LRRC69: variants seen among roughly 807,000 people sequenced by gnomAD.
The protein encoded by LRRC69 is leucine-rich repeat-containing protein 69.
A neutral mutation model predicts 37.8 loss-of-function variants in LRRC69; 42 were observed. That is an observed-to-expected ratio of 1.11 (90% confidence interval 0.87 to 1.44). The LOEUF is 1.44. LRRC69 is among the 40% of genes most tolerant of loss of function. The pLI, the probability that LRRC69 is intolerant of heterozygous loss-of-function variation, is 0.00. For missense variants in LRRC69, 357 were observed against 401.9 expected (o/e 0.89, Z 0.96); for synonymous variants, 141 against 143.1 (o/e 0.99, Z 0.11).
At chr8:91,173,096 C>T (rs1458937373) in intron 5 of LRRC69, among the ~76,000 whole-genome samples, 1 of 151,926 alleles carries the variant, frequency 6.6e-6, no homozygotes, top group African/African-American at 2.4e-5. Context: ...CAAAGCACAT[C>T]TCCTAACTAG....
chr8:91,149,997 G>A (rs1808699928), intron 5 of LRRC69, among the ~76,000 whole-genome samples: 1 of 151,888 alleles, frequency 6.6e-6, no homozygotes, highest in Admixed American at 6.6e-5. Flanking sequence ...GAGACAATGG[G>A]GTTTTCTAGA....
At position 91,214,567 on chromosome 8, in the gene LRRC69, C is replaced by T. The variant is rs149838210; in HGVS notation, c.934-4323C>T. 5.1e-3 allele frequency among the ~76,000 whole-genome samples: 778 copies of T among 152,152 alleles called. 5 individuals carry two copies. The highest frequency in any genetic ancestry group is 0.017 in the African/African-American group (720 of 41,516). ...AACTTAGATTCTAATCTTGTCTCTA[C>T]CTTGAAATATGAGGCCTAAGGTAAG... On this transcript the variant is annotated intron_variant, in intron 7 of 7. Coordinates refer to ENST00000448384, the Ensembl canonical transcript of LRRC69.
intron 1 of LRRC69, among the ~76,000 whole-genome samples, chr8:91,120,644 T>G (rs1813602223): frequency 6.6e-6 from 1 of 152,138 alleles, no homozygotes; most frequent in African/African-American, 2.4e-5. Context: ...AGGGAAATTC[T>G]TCCAAGAAGG....
chr8:91,204,531 G>T (rs1406073492), intron 7 of LRRC69, among the ~76,000 whole-genome samples: 1 of 152,138 alleles, frequency 6.6e-6, no homozygotes, highest in African/African-American at 2.4e-5. Context: ...CTGCTTCTTG[G>T]ACCCTATGCT....
At chr8:91,144,490 C>T (rs1028201251) in intron 5 of LRRC69, among the ~76,000 whole-genome samples, 4 of 151,938 alleles carry the variant, frequency 2.6e-5, no homozygotes, top group Non-Finnish European at 5.9e-5. Flanking sequence ...CTGTCTTACC[C>T]TTTCCCTCTC....
chr8:91,216,683 C>T (rs1810053776), intron 7 of LRRC69, among the ~76,000 whole-genome samples: 2 of 152,220 alleles, frequency 1.3e-5, no homozygotes, highest in Non-Finnish European at 2.9e-5. Context: ...GCCATTTGTT[C>T]TCCAACCACA....
intron 5 of LRRC69, among the ~76,000 whole-genome samples, chr8:91,165,030 A>G (rs896981845): frequency 6.6e-5 from 10 of 151,324 alleles, no homozygotes; most frequent in Non-Finnish European, 8.8e-5. Context: ...AGAAGTCAAG[A>G]CTCCTACGAA....
intron 5 of LRRC69, among the ~76,000 whole-genome samples, chr8:91,181,675 A>G (rs1368921637): frequency 1.3e-5 from 2 of 152,326 alleles, no homozygotes; most frequent in Admixed American, 1.3e-4. Context: ...AAGTATCAAG[A>G]GAGACATTGT....
chr8:91,139,606 C>T lies in LRRC69; in HGVS notation c.651+3867C>T, dbSNP rs1435574623. On this transcript the variant is annotated intron_variant, in intron 5 of 7. Transcript: ENST00000448384. ...CCGGGAGGCGGAGCTTGCAGTGAGC[C>T]GAGATTGCACCACTGCACTCCAGCC... is the stretch of plus-strand genomic sequence containing the variant. Among the ~76,000 whole-genome samples, 7 of 151,102 alleles carry T rather than the reference C, an allele frequency of 4.6e-5. No individual in the cohort carries two copies. In the East Asian group the frequency reaches 1.2e-3, roughly 26 times the overall value.
At chr8:91,124,597 T>C in exon 2 of LRRC69, 1 of 1,540,746 alleles carries the variant, frequency 6.5e-7, no homozygotes, top group Non-Finnish European at 8.7e-7. Flanking sequence ...ATAGGATCTG[T>C]AGATTTGCAC....
At chr8:91,148,654 C>G (rs1396055970) in intron 5 of LRRC69, among the ~76,000 whole-genome samples, 1 of 151,992 alleles carries the variant, frequency 6.6e-6, no homozygotes, top group Non-Finnish European at 1.5e-5. Flanking sequence ...TGACGAATCA[C>G]CACACTGACT....
chr8:91,163,768 A>G (rs1035955819), intron 5 of LRRC69, among the ~76,000 whole-genome samples: 4 of 151,208 alleles, frequency 2.6e-5, no homozygotes, highest in South Asian at 2.1e-4. Flanking sequence ...TCTTACTGCT[A>G]TGGCTGCCAA....
chr8:91,184,226 C>T (rs1809369217), intron 5 of LRRC69, among the ~76,000 whole-genome samples: 1 of 152,172 alleles, frequency 6.6e-6, no homozygotes, highest in South Asian at 2.1e-4. Context: ...CTACAGTGAG[C>T]TGAGATCGTA....
intron 4 of LRRC69, 71 bp from the exon 5 acceptor site, chr8:91,135,597 A>C (rs1370065735): frequency 1.9e-6 from 2 of 1,051,876 alleles, no homozygotes; most frequent in East Asian, 3.0e-5. Flanking sequence ...AGCTTTAAAA[A>C]AATTTATGAT....
At chr8:91,144,458 G>A (rs1586243579) in intron 5 of LRRC69, among the ~76,000 whole-genome samples, 1 of 151,888 alleles carries the variant, frequency 6.6e-6, no homozygotes, top group Non-Finnish European at 1.5e-5. Flanking sequence ...CTGGCTCCTT[G>A]CCTTTGGTTT....
chr8:91,168,228 CAG>C (rs1197798123), intron 5 of LRRC69, among the ~76,000 whole-genome samples: 1 of 151,848 alleles, frequency 6.6e-6, no homozygotes, highest in East Asian at 1.9e-4. Flanking sequence ...AAGAATGATT[CAG>C]AGTATAAATG....
At chr8:91,127,027 A>C in intron 2 of LRRC69, 61 bp from the exon 3 acceptor site, 1 of 1,320,054 alleles carries the variant, frequency 7.6e-7, no homozygotes, top group Non-Finnish European at 1.1e-6. Flanking sequence ...GTAGAAAAGT[A>C]GAAAAGTGAC....
chr8:91,137,252 C>T (rs1449707944), intron 5 of LRRC69, among the ~76,000 whole-genome samples: 3 of 151,956 alleles, frequency 2.0e-5, no homozygotes, highest in African/African-American at 4.8e-5. Flanking sequence ...CTATGTCCTG[C>T]GATGCCTTCT....
At chr8:91,144,710 A>G (rs774024618) in intron 5 of LRRC69, among the ~76,000 whole-genome samples, 1 of 143,178 alleles carries the variant, frequency 7.0e-6, no homozygotes, top group Non-Finnish European at 1.5e-5. Flanking sequence ...CAGTCTAAGC[A>G]TATCTTGCTA....
Sources: allele counts gnomAD v4.1 joint callset (sites outside exome capture counted in the v4.1 genomes callset), GRCh38; gene constraint gnomAD v4.1.1; transcripts MANE v1.5; gene names NCBI Gene and HGNC (gene_info 2026-07-23, HGNC 2026-07-21).